USH2A: variants seen among roughly 807,000 people sequenced by gnomAD.
USH2A encodes usherin, also known as Usher syndrome 2A (autosomal recessive, mild).
In USH2A, 443 loss-of-function variants were observed where a neutral mutation model predicts 538.9. The ratio of observed to expected loss-of-function variants is 0.82; its 90% CI spans 0.76 to 0.89. The LOEUF (loss-of-function observed/expected upper bound fraction) is 0.89. Among genes scored for constraint, USH2A ranks in the 40% least tolerant of loss-of-function variants. USH2A has a pLI of 0.00. For missense variants in USH2A, 6,633 were observed against 6,324.8 expected, an observed-to-expected ratio of 1.05 and a Z score of -1.65; for synonymous variants, 2,413 against 2,273.5, an observed-to-expected ratio of 1.06 and a Z score of -1.75.
chr1:215,666,961 T>C (rs964159167), intron 64 of USH2A, among the ~76,000 whole-genome samples: 32 of 152,092 alleles, frequency 2.1e-4, no homozygotes, highest in Admixed American at 2.1e-3. Context: ...CGTGGTGGTG[T>C]GTGCCTGTAA....
intron 21 of USH2A, among the ~76,000 whole-genome samples, chr1:216,156,981 C>T (rs931348798): frequency 2.6e-5 from 4 of 151,414 alleles, no homozygotes; most frequent in African/African-American, 9.7e-5. Context: ...TCAAGTGATT[C>T]TCCTGCCTCA....
chr1:216,326,934 G>T (rs2037743823), intron 5 of USH2A, among the ~76,000 whole-genome samples: 1 of 152,114 alleles, frequency 6.6e-6, no homozygotes. Context: ...GAAGAAGAAA[G>T]TTCAAAGGCA....
chr1:216,203,181 A>C (rs1197239877), intron 16 of USH2A, among the ~76,000 whole-genome samples: 1 of 151,972 alleles, frequency 6.6e-6, no homozygotes, highest in East Asian at 1.9e-4. Context: ...GATTCCTAAA[A>C]CAACAAATAG....
chr1:215,802,959 C>T (rs951509208), intron 49 of USH2A, among the ~76,000 whole-genome samples: 2 of 151,892 alleles, frequency 1.3e-5, no homozygotes, highest in East Asian at 1.9e-4. Context: ...CTGACACGTA[C>T]GACAACATGA....
intron 8 of USH2A, among the ~76,000 whole-genome samples, 198 bp downstream of exon 8, chr1:216,323,276 T>TTATATATATATATATA (rs67957139): frequency 2.2e-5 from 3 of 137,104 alleles, no homozygotes; most frequent in African/African-American, 8.0e-5. Flanking sequence ...AAAATACGTT[T>TTATATATATATATATA]TATATATATA....
intron 61 of USH2A, among the ~76,000 whole-genome samples, chr1:215,708,293 T>A (rs763248845): frequency 1.4e-4 from 21 of 152,138 alleles, no homozygotes; most frequent in Non-Finnish European, 2.5e-4. Flanking sequence ...GAGGGAAGCA[T>A]TTTTGTCTGG....
chr1:216,375,875 A>C (rs1377630393), intron 3 of USH2A, among the ~76,000 whole-genome samples: 2 of 152,098 alleles, frequency 1.3e-5, no homozygotes, highest in Non-Finnish European at 2.9e-5. Flanking sequence ...ATTTAATTTC[A>C]ATATTGTTGT....
intron 32 of USH2A, among the ~76,000 whole-genome samples, chr1:216,014,195 GAA>G (rs1030392931): frequency 1.3e-5 from 2 of 151,998 alleles, no homozygotes; most frequent in African/African-American, 4.8e-5. Flanking sequence ...GAGGGAAAGG[GAA>G]AAAAATGGAG....
chr1:216,122,325 G>C (rs955598690), intron 21 of USH2A, among the ~76,000 whole-genome samples: 7 of 152,146 alleles, frequency 4.6e-5, no homozygotes, highest in African/African-American at 1.2e-4. Flanking sequence ...AGGGACACAG[G>C]CTAAAGAAAG....
chr1:216,013,014 C>G (rs1668613713), intron 32 of USH2A, among the ~76,000 whole-genome samples: 1 of 152,188 alleles, frequency 6.6e-6, no homozygotes, highest in African/African-American at 2.4e-5. Flanking sequence ...CAGCTGACAT[C>G]TCCTCATGCT....
intron 19 of USH2A, among the ~76,000 whole-genome samples, chr1:216,192,843 T>C (rs1280187596): frequency 1.3e-5 from 2 of 152,140 alleles, no homozygotes; most frequent in African/African-American, 4.8e-5. Context: ...AGCTAGTTTA[T>C]AAAGTATAAT....
intron 44 of USH2A, among the ~76,000 whole-genome samples, chr1:215,864,045 C>T (rs917888260): frequency 6.6e-6 from 1 of 152,180 alleles, no homozygotes; most frequent in East Asian, 1.9e-4. Context: ...CAACTGACTT[C>T]CTTAGTGAAT....
intron 30 of USH2A, among the ~76,000 whole-genome samples, chr1:216,056,819 G>A (rs2030993084): frequency 6.6e-6 from 1 of 151,614 alleles, no homozygotes; most frequent in Admixed American, 6.6e-5. Flanking sequence ...AGAGAGATTG[G>A]GTTCAATATT....
At chr1:215,650,500 A>G (rs1657021676) in intron 65 of USH2A, 92 bp downstream of exon 65, 1 of 1,456,566 alleles carries the variant, frequency 6.9e-7, no homozygotes, top group African/African-American at 1.4e-5. Context: ...GATAAGAAAG[A>G]TGGAGGGAAA....
intron 21 of USH2A, among the ~76,000 whole-genome samples, chr1:216,155,946 T>G (rs1377906120): frequency 6.6e-6 from 1 of 152,206 alleles, no homozygotes; most frequent in Non-Finnish European, 1.5e-5. Context: ...AATCTATGAA[T>G]GGTACATGTA....
At chr1:215,928,924 T>C (rs1364346623) in intron 38 of USH2A, among the ~76,000 whole-genome samples, 4 of 152,150 alleles carry the variant, frequency 2.6e-5, no homozygotes, top group African/African-American at 7.2e-5. Flanking sequence ...AGTGGTATTA[T>C]TGGGCAAAAA....
intron 27 of USH2A, among the ~76,000 whole-genome samples, chr1:216,076,297 T>C (rs1407890357): frequency 6.6e-6 from 1 of 152,204 alleles, no homozygotes; most frequent in Non-Finnish European, 1.5e-5. Flanking sequence ...ACTACAGTAA[T>C]AAAAATTTAA....
In USH2A at chr1:216,190,368, C is replaced by G; in HGVS notation, c.4252-1G>C. 6.2e-7 allele frequency: 1 copy of G among 1,610,218 alleles called. No homozygotes were observed. ...CTTGGGATTTAGCAGTGTGCAACAGCTTCAAGGCAAAAAAGAAAGAAAGAA... is the reference window on the plus strand; with the variant it reads ...CTTGGGATTTAGCAGTGTGCAACAGGTTCAAGGCAAAAAAGAAAGAAAGAA... On this transcript the variant is annotated splice_acceptor_variant, in intron 19 of 71. Transcript: ENST00000307340. LOFTEE classifies it high-confidence loss of function.
In USH2A at chr1:215,867,259, A is replaced by G. The variant is rs375587357; in HGVS notation, c.8682-89T>C. The G allele has an allele frequency of 3.6e-4, 514 of 1,421,680 alleles. 7 individuals are homozygous for G. In the South Asian group the frequency reaches 6.2e-3, roughly 17 times the overall value. The allele number at this position is 1,421,680 out of a possible 1,614,324, so 88.1% of individuals were successfully genotyped here. A position where few individuals can be genotyped will look rare whatever the true frequency, so the allele number is the denominator to read the frequency against. ...ATTTCTTTTTTTCTTCACAAAATAC[A>G]GGATTTCCTTCCACCCCTCTACAAA... On this transcript the variant is annotated intron_variant, in intron 43 of 71. Transcript: ENST00000307340.
Sources: allele counts gnomAD v4.1 joint callset (sites outside exome capture counted in the v4.1 genomes callset), GRCh38; gene constraint gnomAD v4.1.1; transcripts MANE v1.5; gene names NCBI Gene and HGNC (gene_info 2026-07-23, HGNC 2026-07-21).